The following CNTN3 variants were observed in gnomAD, a reference collection of about 807,000 sequenced individuals.
The protein encoded by CNTN3 is contactin-3.
A neutral mutation model predicts 119.1 loss-of-function variants in CNTN3; 60 were observed. The observed-to-expected ratio is 0.50, with a 90% confidence interval of 0.41 to 0.62. CNTN3 has a LOEUF of 0.62. Among genes scored for constraint, CNTN3 ranks in the 20% least tolerant of loss-of-function variants. The pLI, the probability that CNTN3 is intolerant of heterozygous loss-of-function variation, is 0.00. For synonymous variants in CNTN3, 450 were observed against 438.7 expected (o/e 1.03, Z -0.32); for missense variants, 1,101 against 1,242.4 (o/e 0.89, Z 1.71).
intron 4 of CNTN3, among the ~76,000 whole-genome samples, chr3:74,469,993 A>G (rs190362509): frequency 1.3e-5 from 2 of 152,358 alleles, no homozygotes; most frequent in African/African-American, 4.8e-5. Context: ...AGCATGTGAT[A>G]TAGCTAATCA....
chr3:74,614,462 G>A lies in CNTN3; in HGVS notation c.-152C>T, dbSNP rs1243420172. Among the ~76,000 whole-genome samples, 4 of 143,312 alleles carry A rather than the reference G, an allele frequency of 2.8e-5. No individual in the cohort carries two copies. Among genetic ancestry groups the A allele is most frequent in the South Asian group, 2.5e-4 (1 of 4,066 alleles). The allele number at this position is 143,312 out of a possible 152,430, so 94.0% of individuals were successfully genotyped here. A position where few individuals can be genotyped will look rare whatever the true frequency, so the allele number is the denominator to read the frequency against. On this transcript the variant is annotated 5_prime_UTR_variant, in exon 1 of 23. Transcript: ENST00000263665. ...CGCCGCCGCCGCCGCCGCCGCCGCC[G>A]CCACCGCCGCCGCCGCAGTTAGTCC...
At chr3:74,264,588 C>A in intron 22 of CNTN3, 87 bp from the exon 23 acceptor site, 1 of 775,882 alleles carries the variant, frequency 1.3e-6, no homozygotes. Flanking sequence ...TGGTGTTCCC[C>A]CCAAATTCTT....
chr3:74,491,641 T>G (rs111873376), intron 3 of CNTN3, among the ~76,000 whole-genome samples: 396 of 152,348 alleles, frequency 2.6e-3, no homozygotes, highest in African/African-American at 8.9e-3. Flanking sequence ...TCCAACTGTC[T>G]GGGCTTCATG....
rs1425962576 is a variant in CNTN3 at position 74,278,907 on chromosome 3, G to GA, written c.2704+6397dup. Among the ~76,000 whole-genome samples, 141 of 148,748 alleles carry GA rather than the reference G, an allele frequency of 9.5e-4. 1 individual carries two copies. Among genetic ancestry groups the GA allele is most frequent in the African/African-American group, 2.4e-3 (99 of 40,608 alleles). On this transcript the variant is annotated intron_variant, in intron 20 of 22. Transcript: ENST00000263665. Reference sequence around the variant, plus strand: ...ATCTACAACGAACTCAAATCAGCGGGAAAAAAAAACAAACAAAAAATCCCA... The same window carrying GA: ...ATCTACAACGAACTCAAATCAGCGGGAAAAAAAAAACAAACAAAAAATCCCA...
intron 2 of CNTN3, among the ~76,000 whole-genome samples, chr3:74,509,108 T>C (rs1373859217): frequency 3.3e-5 from 5 of 152,160 alleles, no homozygotes; most frequent in African/African-American, 1.2e-4. Flanking sequence ...GCATTGTTTC[T>C]TAGAGCTATA....
intron 5 of CNTN3, among the ~76,000 whole-genome samples, chr3:74,377,209 C>G (rs956342055): frequency 6.6e-6 from 1 of 152,036 alleles, no homozygotes; most frequent in Non-Finnish European, 1.5e-5. Context: ...TGTTTATAGA[C>G]TCTTTGAGAT....
intron 4 of CNTN3, among the ~76,000 whole-genome samples, chr3:74,440,012 G>T (rs887624671): frequency 2.0e-5 from 3 of 152,062 alleles, no homozygotes; most frequent in Admixed American, 6.6e-5. Context: ...AAGACCCAAG[G>T]CAATGATAAA....
rs1209007294 is a variant in CNTN3 at position 74,369,954 on chromosome 3, C to T, written c.696G>A (p.Gln232=). The T allele has an allele frequency of 6.2e-7, 1 of 1,606,736 alleles. No homozygotes were observed. Among genetic ancestry groups the T allele is most frequent in the South Asian group, 1.1e-5 (1 of 90,696 alleles). Residue 232 remains glutamine (Q), a synonymous_variant, in exon 7 of 23, where the codon CAG becomes CAA. Transcript: ENST00000263665. ...MGEYEPKIEV[Q]FPETLPAAKG... ...TAGCTGCTGGAAGAGTTTCTGGAAA[C>T]TGAACTTCTATTTTAGGTTCATATT... is the stretch of plus-strand genomic sequence containing the variant.
At chr3:74,535,074 C>T (rs1484592655) in intron 1 of CNTN3, among the ~76,000 whole-genome samples, 2 of 152,018 alleles carry the variant, frequency 1.3e-5, no homozygotes, top group Non-Finnish European at 2.9e-5. Context: ...TGGACTCAAA[C>T]CTAGGTCTCT....
intron 1 of CNTN3, among the ~76,000 whole-genome samples, chr3:74,591,509 G>A (rs1376038628): frequency 1.3e-5 from 2 of 151,922 alleles, no homozygotes; most frequent in Admixed American, 1.3e-4. Flanking sequence ...GTACTGTGTA[G>A]GGTGATCTGG....
intron 1 of CNTN3, among the ~76,000 whole-genome samples, chr3:74,555,749 G>A (rs968865096): frequency 7.2e-5 from 11 of 152,052 alleles, no homozygotes; most frequent in African/African-American, 7.2e-5. Flanking sequence ...CCATGGGATC[G>A]GTGATGATAT....
At chr3:74,575,606 A>ACACACAC (rs60119036) in intron 1 of CNTN3, among the ~76,000 whole-genome samples, 2 of 135,096 alleles carry the variant, frequency 1.5e-5, no homozygotes, top group African/African-American at 2.8e-5. Flanking sequence ...AGTCTCTCCC[A>ACACACAC]ACACACACAC....
At chr3:74,304,579 C>T (rs1261028193) in intron 13 of CNTN3, among the ~76,000 whole-genome samples, 2 of 152,154 alleles carry the variant, frequency 1.3e-5, no homozygotes, top group Non-Finnish European at 2.9e-5. Flanking sequence ...TATGTCCTCA[C>T]ATATCTGGAT....
chr3:74,323,550 T>A (rs1446146610), intron 13 of CNTN3, among the ~76,000 whole-genome samples: 4 of 152,198 alleles, frequency 2.6e-5, no homozygotes, highest in Non-Finnish European at 5.9e-5. Flanking sequence ...TCTGTGAATA[T>A]GTTAGAAGCC....
In CNTN3 at chr3:74,529,794, C is replaced by G. The variant is rs72499089; in HGVS notation, c.-80-8602G>C. ...AAAAGTCCTAAAGAGAACTTTTTGG[C>G]TTAAATAGAAAGAGTTTCAACATTG... On this transcript the variant is annotated intron_variant, in intron 1 of 22. Coordinates refer to ENST00000263665, the MANE Select transcript of CNTN3 (RefSeq NM_020872.3). 2.5e-3 allele frequency among the ~76,000 whole-genome samples: 380 copies of G among 152,082 alleles called. 9 individuals carry two copies. In the East Asian group the frequency reaches 0.045, roughly 18 times the overall value.
At chr3:74,370,641 C>T (rs1704312025) in intron 6 of CNTN3, among the ~76,000 whole-genome samples, 1 of 152,046 alleles carries the variant, frequency 6.6e-6, no homozygotes, top group African/African-American at 2.4e-5. Context: ...TAGCATTATG[C>T]TGTATCAGAT....
chr3:74,344,494 G>C (rs1703637143), intron 11 of CNTN3, among the ~76,000 whole-genome samples: 1 of 134,378 alleles, frequency 7.4e-6, no homozygotes, highest in Non-Finnish European at 1.5e-5. Context: ...GGCGCGATCT[G>C]GGCTCACTGC....
At chr3:74,322,050 G>T (rs1487680957) in intron 13 of CNTN3, among the ~76,000 whole-genome samples, 1 of 151,996 alleles carries the variant, frequency 6.6e-6, no homozygotes, top group Non-Finnish European at 1.5e-5. Context: ...GCCAGGTGTG[G>T]TGGTACACAG....
chr3:74,562,338 T>C (rs926981127), intron 1 of CNTN3, among the ~76,000 whole-genome samples: 1 of 152,196 alleles, frequency 6.6e-6, no homozygotes, highest in African/African-American at 2.4e-5. Context: ...TTTTCCTCTC[T>C]TTGTAAATTT....
Sources: allele counts gnomAD v4.1 joint callset (sites outside exome capture counted in the v4.1 genomes callset), GRCh38; gene constraint gnomAD v4.1.1; transcripts MANE v1.5; gene names NCBI Gene and HGNC (gene_info 2026-07-23, HGNC 2026-07-21).